Variants in SGCD observed in about 807,000 individuals in gnomAD.
SGCD encodes sarcoglycan delta.
SGCD carries 18 observed loss-of-function variants against 36.6 expected under a neutral mutation model. That is an observed-to-expected ratio of 0.49 (90% confidence interval 0.34 to 0.73). SGCD has a LOEUF of 0.73. SGCD is among the 30% of genes least tolerant of loss of function. The pLI is 0.01. For synonymous variants in SGCD, 133 were observed against 130.6 expected (o/e 1.02, Z -0.12); for missense variants, 387 against 346.7 (o/e 1.12, Z -0.92).
rs1280230265 is a variant in SGCD at position 155,887,739 on chromosome 5, TATC to T, written c.-282+17321_-282+17323del. 2.6e-5 allele frequency among the ~76,000 whole-genome samples: 4 copies of T among 152,232 alleles called. No individual in the cohort carries two copies. The East Asian group carries it at 7.7e-4, about 29-fold the overall frequency. Reference sequence around the variant, plus strand: ...AGTTATTGCCTATCTCTGTTAATGGTATCATCATTTACCAGACTTCTAAGCTAG... The same window carrying T: ...AGTTATTGCCTATCTCTGTTAATGGTATCATTTACCAGACTTCTAAGCTAG... On this transcript the variant is annotated intron_variant, in intron 1 of 9. Transcript: ENST00000517913.
chr5:156,488,779 G>GA (rs1301078201), intron 3 of SGCD, among the ~76,000 whole-genome samples: 1 of 152,042 alleles, frequency 6.6e-6, no homozygotes, highest in Non-Finnish European at 1.5e-5. Flanking sequence ...TACCACTACA[G>GA]AAAACCACCA....
intron 3 of SGCD, among the ~76,000 whole-genome samples, chr5:156,239,347 C>A: frequency 7.6e-6 from 1 of 130,722 alleles, no homozygotes. Flanking sequence ...TTGCAGTGAG[C>A]AGAGATTGCG....
At chr5:156,438,594 T>A (rs149211752) in intron 3 of SGCD, among the ~76,000 whole-genome samples, 74 of 152,256 alleles carry the variant, frequency 4.9e-4, no homozygotes, top group African/African-American at 1.7e-3. Context: ...CTCATGCTGT[T>A]CTCTCCTGTT....
At chr5:156,576,101 G>A in intron 4 of SGCD, among the ~76,000 whole-genome samples, 1 of 151,762 alleles carries the variant, frequency 6.6e-6, no homozygotes, top group Admixed American at 6.6e-5. Flanking sequence ...TAGACCCCGG[G>A]GTGTGATGTT....
chr5:155,861,469 G>A, the SGCD span, among the ~76,000 whole-genome samples: 10 of 151,978 alleles, frequency 6.6e-5, no homozygotes, highest in Admixed American at 4.6e-4. Flanking sequence ...TTGGGAGGCC[G>A]AGGCGGGCGG....
chr5:156,364,462 G>C (rs928982121), intron 3 of SGCD, among the ~76,000 whole-genome samples: 1 of 152,062 alleles, frequency 6.6e-6, no homozygotes, highest in African/African-American at 2.4e-5. Flanking sequence ...CTTATAGGCA[G>C]AAGGAAAAAT....
At chr5:156,003,552 G>T (rs991033477) in intron 1 of SGCD, among the ~76,000 whole-genome samples, 8 of 152,294 alleles carry the variant, frequency 5.3e-5, no homozygotes, top group Middle Eastern at 3.4e-3. Flanking sequence ...GAAACTAAAA[G>T]TAGCCTCGTC....
At chr5:156,689,152 C>G (rs1754018803) in intron 7 of SGCD, among the ~76,000 whole-genome samples, 1 of 152,158 alleles carries the variant, frequency 6.6e-6, no homozygotes, top group Non-Finnish European at 1.5e-5. Flanking sequence ...TTAGTTTTGA[C>G]AAACGTACCT....
intron 7 of SGCD, among the ~76,000 whole-genome samples, chr5:156,655,810 TG>T (rs746008607): frequency 6.6e-6 from 1 of 152,126 alleles, no homozygotes; most frequent in Non-Finnish European, 1.5e-5. Context: ...ACTTATTCAC[TG>T]TTTTTTTTTC....
chr5:155,904,277 C>G (rs1322226979), intron 1 of SGCD, among the ~76,000 whole-genome samples: 1 of 152,148 alleles, frequency 6.6e-6, no homozygotes, highest in Non-Finnish European at 1.5e-5. Flanking sequence ...ATGGCCTTGC[C>G]CATTCTTGAT....
intron 1 of SGCD, among the ~76,000 whole-genome samples, chr5:156,072,208 G>A (rs1039537402): frequency 7.2e-5 from 11 of 152,124 alleles, no homozygotes; most frequent in Non-Finnish European, 1.5e-4. Context: ...CTTAGTTGAT[G>A]CAGTTTCTTC....
chr5:156,380,847 A>T (rs2127747544), intron 3 of SGCD, among the ~76,000 whole-genome samples: 1 of 152,318 alleles, frequency 6.6e-6, no homozygotes, highest in East Asian at 1.9e-4. Flanking sequence ...ATTATAGGCA[A>T]AGCCAAGGCA....
intron 3 of SGCD, among the ~76,000 whole-genome samples, chr5:156,254,125 A>G (rs1268129163): frequency 6.6e-6 from 1 of 152,108 alleles, no homozygotes; most frequent in Non-Finnish European, 1.5e-5. Flanking sequence ...AATCCGATAC[A>G]ATTGTTGACT....
At chr5:155,987,008 C>T (rs1272254321) in intron 1 of SGCD, among the ~76,000 whole-genome samples, 4 of 152,036 alleles carry the variant, frequency 2.6e-5, no homozygotes, top group African/African-American at 7.2e-5. Context: ...CATAAACAAC[C>T]GTCTTAATGC....
At chr5:156,515,333 A>G (rs1757111405) in intron 4 of SGCD, among the ~76,000 whole-genome samples, 1 of 152,248 alleles carries the variant, frequency 6.6e-6, no homozygotes, top group Non-Finnish European at 1.5e-5. Flanking sequence ...AAAACAAAAT[A>G]TTTAAAGATT....
chr5:155,812,079 A>G, the SGCD span, among the ~76,000 whole-genome samples: 40,156 of 152,144 alleles, frequency 0.26, 5,942 homozygotes, highest in Admixed American at 0.46. Flanking sequence ...GTTACAAACA[A>G]TCCATGGAAA....
intron 3 of SGCD, among the ~76,000 whole-genome samples, chr5:156,432,971 T>C (rs531470073): frequency 6.6e-6 from 1 of 152,292 alleles, no homozygotes; most frequent in African/African-American, 2.4e-5. Flanking sequence ...CCTGCATGTG[T>C]ATCTGCAGCA....
chr5:156,137,807 G>C (rs1018305354), intron 3 of SGCD, among the ~76,000 whole-genome samples: 7 of 152,108 alleles, frequency 4.6e-5, no homozygotes, highest in African/African-American at 1.4e-4. Flanking sequence ...GGGTGGTTCT[G>C]TCACCTAACC....
chr5:156,665,192 G>T (rs1764099201), intron 7 of SGCD, among the ~76,000 whole-genome samples: 1 of 152,214 alleles, frequency 6.6e-6, no homozygotes. Context: ...TGCTTTTGAG[G>T]TTGTAATCTT....
Sources: gnomAD v4.1 joint callset for allele counts (sites outside exome capture counted in the v4.1 genomes callset) on GRCh38, gnomAD v4.1.1 for gene constraint, MANE v1.5 for transcripts, NCBI Gene and HGNC (gene_info 2026-07-23, HGNC 2026-07-21) for gene names.